Variants in SPHKAP observed in about 807,000 individuals in gnomAD.
SPHKAP encodes A-kinase anchor protein SPHKAP.
SPHKAP carries 67 observed loss-of-function variants against 137.5 expected under a neutral mutation model. That is an observed-to-expected ratio of 0.49 (90% CI 0.40 to 0.60). The LOEUF (loss-of-function observed/expected upper bound fraction) is 0.60. Ranked by LOEUF, SPHKAP falls within the 20% of genes least tolerant of loss-of-function variation. The pLI is 0.00. For synonymous variants in SPHKAP, 813 were observed against 785.3 expected (o/e 1.04, Z -0.59); for missense variants, 2,097 against 2,069.3 (o/e 1.01, Z -0.26).
chr2:227,991,102 A>T lies in SPHKAP; in HGVS notation c.4857T>A (p.Cys1619Ter), dbSNP rs773520325. 1 of 1,614,060 alleles carries T rather than the reference A, an allele frequency of 6.2e-7. No individual in the cohort carries two copies. Residue 1619 changes from cysteine (C) to a stop codon, truncating the protein, a stop_gained, in exon 11 of 12, where the codon TGT (cysteine) becomes TGA (stop). Coordinates refer to ENST00000392056, the MANE Select transcript of SPHKAP (RefSeq NM_001142644.2). LOFTEE classifies it high-confidence loss of function. The stretch of plus-strand genomic sequence containing the variant: ...GAGTGGCTCGGAGCTCGGCATCTGG[A>T]CACTCTGGCTCCAGGTCAAAGTTGA... ...LVINFDLEPE[C>*]PDAELRATLQ... is the part of the protein sequence containing the mutation.
chr2:228,108,996 C>G (rs774827439), intron 2 of SPHKAP, 57 bp from the exon 3 acceptor site: 39 of 1,092,738 alleles, frequency 3.6e-5, no homozygotes, highest in Admixed American at 2.1e-4. Context: ...ATCTAAACAG[C>G]AGCTCTCTCT....
intron 3 of SPHKAP, among the ~76,000 whole-genome samples, chr2:228,055,809 T>C (rs1696418822): frequency 6.6e-6 from 1 of 152,214 alleles, no homozygotes; most frequent in African/African-American, 2.4e-5. Flanking sequence ...CGACAGTATT[T>C]TTAAAAACTT....
intron 7 of SPHKAP, among the ~76,000 whole-genome samples, chr2:228,002,701 G>T (rs1265213170): frequency 6.6e-6 from 1 of 152,164 alleles, no homozygotes; most frequent in Non-Finnish European, 1.5e-5. Flanking sequence ...ATGGTTTTAG[G>T]TCTAACATGT....
intron 3 of SPHKAP, among the ~76,000 whole-genome samples, chr2:228,058,062 C>A (rs1009387139): frequency 1.3e-5 from 2 of 152,178 alleles, no homozygotes; most frequent in African/African-American, 4.8e-5. Flanking sequence ...CCTTGTACAT[C>A]TACAGAGCTG....
chr2:228,064,135 G>A (rs1696749411), intron 3 of SPHKAP, among the ~76,000 whole-genome samples: 1 of 152,144 alleles, frequency 6.6e-6, no homozygotes, highest in South Asian at 2.1e-4. Context: ...ATCTAAAAAT[G>A]ATAACATTGG....
intron 7 of SPHKAP, 134 bp downstream of exon 7, chr2:228,016,268 CATTT>C (rs1043206139): frequency 8.2e-6 from 10 of 1,224,928 alleles, no homozygotes; most frequent in East Asian, 4.8e-5. Flanking sequence ...CTCATTAACT[CATTT>C]TTTTTTTTTT....
intron 3 of SPHKAP, among the ~76,000 whole-genome samples, chr2:228,098,859 T>C (rs1003320126): frequency 9.9e-5 from 15 of 152,096 alleles, no homozygotes; most frequent in African/African-American, 3.6e-4. Flanking sequence ...TTTTTGCTTG[T>C]TTACTTTTTA....
Position 228,076,205 on chromosome 2 carries a change from T to C in SPHKAP, c.246+32627A>G, listed in dbSNP as rs1697179293. Among the ~76,000 whole-genome samples the C allele has an allele frequency of 3.3e-5, 5 of 152,180 alleles. No individual in the cohort carries two copies. The South Asian group carries it at 1.0e-3, about 32-fold the overall frequency. ...CTGGAACTGTAAGTTTAATAAACAC[T>C]TTTTCCTGTATAAATTACCCAGTCT... On this transcript the variant is annotated intron_variant, in intron 3 of 11. Coordinates refer to ENST00000392056, the MANE Select transcript of SPHKAP (RefSeq NM_001142644.2).
intron 1 of SPHKAP, among the ~76,000 whole-genome samples, chr2:228,143,063 A>T (rs1031085618): frequency 2.0e-5 from 3 of 150,784 alleles, no homozygotes; most frequent in African/African-American, 7.5e-5. Flanking sequence ...TTCTTAATTA[A>T]AAAAAACCCT....
At chr2:228,049,565 T>C (rs1696180243) in intron 3 of SPHKAP, among the ~76,000 whole-genome samples, 1 of 152,254 alleles carries the variant, frequency 6.6e-6, no homozygotes, top group Admixed American at 6.5e-5. Flanking sequence ...GCTTACTGCA[T>C]GACACTAAGG....
intron 3 of SPHKAP, among the ~76,000 whole-genome samples, chr2:228,075,013 G>A (rs1401403540): frequency 6.6e-6 from 1 of 152,144 alleles, no homozygotes; most frequent in East Asian, 1.9e-4. Flanking sequence ...GAAGAAGAGG[G>A]CATTCTATTC....
At chr2:228,071,841 A>T (rs1307130199) in intron 3 of SPHKAP, among the ~76,000 whole-genome samples, 1 of 152,188 alleles carries the variant, frequency 6.6e-6, no homozygotes, top group Non-Finnish European at 1.5e-5. Context: ...TAGCTAAAGA[A>T]TCCCCAACAG....
Position 228,019,336 on chromosome 2 carries a change from C to A in SPHKAP, c.1518G>T (p.Val506=). ...CCTGTGGACTGGAAATAGTTCCAAT[C>A]ACAGTGGCTGCACAAGCTAACGCCA... ...LEVALACAAT[V]IGTISSPQAT... is the part of the protein sequence containing the mutation. Residue 506 remains valine (V), a synonymous_variant, in exon 7 of 12, where the codon GTG becomes GTT. Coordinates refer to ENST00000392056, the MANE Select transcript of SPHKAP (RefSeq NM_001142644.2). 6.2e-7 allele frequency: 1 copy of A among 1,614,190 alleles called. No homozygotes were observed. Among genetic ancestry groups the A allele is most frequent in the Middle Eastern group, 1.6e-4 (1 of 6,062 alleles).
intron 7 of SPHKAP, among the ~76,000 whole-genome samples, chr2:228,003,291 TA>T (rs1693985051): frequency 6.6e-6 from 1 of 152,218 alleles, no homozygotes; most frequent in Admixed American, 6.5e-5. Context: ...ACATCCCTTG[TA>T]AGTTGGATTC....
intron 1 of SPHKAP, chr2:228,169,696 A>T (rs1041129099): frequency 3.3e-5 from 5 of 152,238 alleles, no homozygotes; most frequent in Non-Finnish European, 7.4e-5. Flanking sequence ...CCAAGGATCA[A>T]GGAGTAATTT....
rs1458337031 is a variant in SPHKAP, at chr2:228,036,269, A to G, written c.247-8726T>C. Among the ~76,000 whole-genome samples the G allele has an allele frequency of 3.9e-5, 6 of 152,214 alleles. No individual in the cohort carries two copies. In the South Asian group the frequency reaches 1.0e-3, roughly 26 times the overall value. ...AAAGAAGACATTTATGCAGCCAAAA[A>G]ACACATGAAAAAATGCTCCTCATCA... On this transcript the variant is annotated intron_variant, in intron 3 of 11. Transcript: ENST00000392056.
chr2:228,082,807 G>GAATT (rs1697406162), intron 3 of SPHKAP, among the ~76,000 whole-genome samples: 1 of 152,202 alleles, frequency 6.6e-6, no homozygotes, highest in Non-Finnish European at 1.5e-5. Flanking sequence ...GATGCTGTCG[G>GAATT]AATTAATGAA....
rs748161257 is a variant in SPHKAP, at chr2:227,981,872, C to T, written c.4960-12G>A. On this transcript the variant is annotated splice_polypyrimidine_tract_variant and intron_variant, in intron 11 of 11. Coordinates refer to ENST00000392056, the MANE Select transcript of SPHKAP (RefSeq NM_001142644.2). Reference sequence around the variant, plus strand: ...ACGACATCTAGAAACTAAAATAAAACGGAGAGTTAGGGCTCACAGAGCACA... The same window carrying T: ...ACGACATCTAGAAACTAAAATAAAATGGAGAGTTAGGGCTCACAGAGCACA... 46 of 1,610,644 alleles carry T rather than the reference C, an allele frequency of 2.9e-5. No homozygotes were observed. The highest frequency in any genetic ancestry group is 5.4e-5 in the African/African-American group (4 of 74,756).
chr2:228,033,942 C>T lies in SPHKAP; in HGVS notation c.247-6399G>A, dbSNP rs191158926. ...AGAGAAAGCAGGAAAAATCCAAAAT[C>T]GACACCCTAACGTCACAATTAAAAG... On this transcript the variant is annotated intron_variant, in intron 3 of 11. Transcript: ENST00000392056. Among the ~76,000 whole-genome samples the T allele has an allele frequency of 6.4e-4, 98 of 152,122 alleles. 1 individual carries two copies. The highest frequency in any genetic ancestry group is 3.9e-3 in the East Asian group (20 of 5,168).
Sources: gnomAD v4.1 joint callset for allele counts (sites outside exome capture counted in the v4.1 genomes callset) on GRCh38, gnomAD v4.1.1 for gene constraint, MANE v1.5 for transcripts, NCBI Gene and HGNC (gene_info 2026-07-23, HGNC 2026-07-21) for gene names.